RAB18: variants seen among roughly 807,000 people sequenced by gnomAD.
RAB18 encodes ras-related protein Rab-18.
RAB18 carries 10 observed loss-of-function variants against 28.5 expected under a neutral mutation model. That is an observed-to-expected ratio of 0.35 (90% CI 0.22 to 0.60). RAB18 has a LOEUF of 0.60. RAB18 is among the 20% of genes least tolerant of loss of function. The pLI, the probability that RAB18 is intolerant of heterozygous loss-of-function variation, is 0.78. For missense variants in RAB18, 188 were observed against 244.2 expected (o/e 0.77, Z 1.53); for synonymous variants, 93 against 86.9 (o/e 1.07, Z -0.39).
chr10:27,531,025 T>C (rs11015849), intron 3 of RAB18, among the ~76,000 whole-genome samples: 26,180 of 152,054 alleles, frequency 0.17, 2,969 homozygotes, highest in Non-Finnish European at 0.23. Context: ...ATATGCAAAT[T>C]GAATAATTTT....
intron 2 of RAB18, among the ~76,000 whole-genome samples, chr10:27,516,701 A>G (rs184964192): frequency 3.3e-5 from 5 of 152,312 alleles, no homozygotes; most frequent in East Asian, 3.9e-4. Context: ...TTCACAGTAT[A>G]TCAACCACAG....
At chr10:27,517,141 T>G (rs1834452023) in intron 2 of RAB18, among the ~76,000 whole-genome samples, 1 of 152,110 alleles carries the variant, frequency 6.6e-6, no homozygotes, top group Non-Finnish European at 1.5e-5. Context: ...GGAGGGCGGA[T>G]CACCTGATTT....
In RAB18 at chr10:27,534,200, A is replaced by T. The variant is rs1024933353; in HGVS notation, c.445+206A>T. Among the ~76,000 whole-genome samples the T allele has an allele frequency of 2.0e-5, 3 of 152,336 alleles. No individual in the cohort carries two copies. The South Asian group carries it at 6.2e-4, about 32-fold the overall frequency. ...TGATCATATTATGTGAAATCATATT[A>T]AAAAACAGTCAAATCATTCCTCACA... is the stretch of plus-strand genomic sequence containing the variant. On this transcript the variant is annotated intron_variant, in intron 6 of 6. Coordinates refer to ENST00000356940, the MANE Select transcript of RAB18 (RefSeq NM_021252.5).
rs533798350 is a variant in RAB18 at position 27,525,019 on chromosome 10, G to C, written c.125-1809G>C. On this transcript the variant is annotated intron_variant, in intron 2 of 6. Transcript: ENST00000356940. ...AAGTTTCAGATATAATATGTCAAAA[G>C]CATAACTTAGAGACATTGTTAGTTA... 5.0e-3 allele frequency among the ~76,000 whole-genome samples: 758 copies of C among 152,224 alleles called. 5 individuals carry two copies. The highest frequency in any genetic ancestry group is 0.017 in the Middle Eastern group (5 of 294).
At chr10:27,533,554 T>TA (rs5784015) in intron 4 of RAB18, among the ~76,000 whole-genome samples, 181 bp from the exon 5 acceptor site, 16 of 148,448 alleles carry the variant, frequency 1.1e-4, no homozygotes, top group Admixed American at 2.0e-4. Flanking sequence ...GTGTATGCTT[T>TA]AAAAAAAAAA....
rs1434945739 is a variant in RAB18, at chr10:27,537,934, G to A, written c.504G>A (p.Lys168=). Residue 168 remains lysine, a synonymous_variant, in exon 7 of 7, where the codon AAG becomes AAA. Transcript: ENST00000356940. ...GTGCCTTTGAAGAACTTGTTGAAAAGATCATTCAGACCCCTGGACTGTGGG... is the reference window on the plus strand; with the variant it reads ...GTGCCTTTGAAGAACTTGTTGAAAAAATCATTCAGACCCCTGGACTGTGGG... ...VQCAFEELVE[K]IIQTPGLWES... 9 of 1,613,920 alleles carry A rather than the reference G, an allele frequency of 5.6e-6. No homozygotes were observed. The African/African-American group carries it at 9.3e-5, about 17-fold the overall frequency.
intron 3 of RAB18, among the ~76,000 whole-genome samples, chr10:27,529,304 C>A (rs1169806533): frequency 6.6e-6 from 1 of 151,920 alleles, no homozygotes; most frequent in East Asian, 1.9e-4. Flanking sequence ...GTTGGATCAG[C>A]TATTTTCATC....
intron 2 of RAB18, among the ~76,000 whole-genome samples, chr10:27,512,773 A>G (rs1400481130): frequency 1.3e-5 from 2 of 152,118 alleles, no homozygotes; most frequent in South Asian, 2.1e-4. Context: ...ATGAACATAC[A>G]TATAATATTA....
At position 27,538,682 on chromosome 10, in the gene RAB18, CT is replaced by C. The variant is rs748706966; in HGVS notation, c.*632del. The C allele has an allele frequency of 5.7e-5, 26 of 454,032 alleles. No homozygotes were observed. The highest frequency in any genetic ancestry group is 1.4e-4 in the Admixed American group (6 of 42,542). The allele number at this position is 454,032 out of a possible 1,614,324, so 28.1% of individuals were successfully genotyped here. On this transcript the variant is annotated 3_prime_UTR_variant, in exon 7 of 7. Coordinates refer to ENST00000356940, the MANE Select transcript of RAB18 (RefSeq NM_021252.5). ...ATTTTTAATTTACTTCAATGATTAGCTCAGTTGCTTAACTGGAGTTTTAATC... is the reference window on the plus strand; with the variant it reads ...ATTTTTAATTTACTTCAATGATTAGCCAGTTGCTTAACTGGAGTTTTAATC...
intron 6 of RAB18, among the ~76,000 whole-genome samples, chr10:27,535,861 C>T (rs1034504992): frequency 5.9e-5 from 9 of 151,954 alleles, no homozygotes; most frequent in Non-Finnish European, 1.0e-4. Context: ...CCGAGGCAGG[C>T]GGATTACGAG....
At chr10:27,510,325 A>G in intron 2 of RAB18, 1 of 259,424 alleles carries the variant, frequency 3.9e-6, no homozygotes, top group Non-Finnish European at 7.5e-6. Flanking sequence ...GTCATCGTGG[A>G]CCTAACAGAG....
intron 2 of RAB18, among the ~76,000 whole-genome samples, chr10:27,523,448 A>T (rs550507705): frequency 6.6e-6 from 1 of 151,678 alleles, no homozygotes; most frequent in South Asian, 2.1e-4. Context: ...TGTCCCACAG[A>T]TGATTGATGG....
chr10:27,533,071 T>A (rs1258311514), intron 4 of RAB18, among the ~76,000 whole-genome samples: 4 of 152,070 alleles, frequency 2.6e-5, no homozygotes, highest in African/African-American at 9.6e-5. Context: ...GTTCTTGATA[T>A]TCCTGGGAAA....
chr10:27,509,941 G>A lies in RAB18; in HGVS notation c.124+11G>A. 6.2e-7 allele frequency: 1 copy of A among 1,603,386 alleles called. No individual in the cohort carries two copies. The highest frequency in any genetic ancestry group is 1.3e-5 in the African/African-American group (1 of 74,808). On this transcript the variant is annotated intron_variant, in intron 2 of 6. Transcript: ENST00000356940. ...TTGCAGCAACAATAGGTAAGCCTGT[G>A]TTTAAAAATTCTATAGAAATGGCCA...
chr10:27,526,624 G>A (rs1834678235), intron 2 of RAB18, among the ~76,000 whole-genome samples: 1 of 152,188 alleles, frequency 6.6e-6, no homozygotes, highest in African/African-American at 2.4e-5. Flanking sequence ...AATTCTACAA[G>A]CATTTGATTT....
intron 2 of RAB18, among the ~76,000 whole-genome samples, chr10:27,513,278 A>G (rs1021876619): frequency 1.3e-5 from 2 of 151,176 alleles, no homozygotes; most frequent in African/African-American, 4.9e-5. Flanking sequence ...CAAGTGATCC[A>G]CCCGCCTCAG....
At chr10:27,516,987 TTAAC>T (rs1214334334) in intron 2 of RAB18, among the ~76,000 whole-genome samples, 3 of 152,098 alleles carry the variant, frequency 2.0e-5, no homozygotes, top group African/African-American at 7.2e-5. Context: ...GCCCAGTAAA[TTAAC>T]TAAGCAGCTA....
intron 1 of RAB18, among the ~76,000 whole-genome samples, chr10:27,505,573 T>G (rs1837804950): frequency 6.6e-6 from 1 of 152,218 alleles, no homozygotes; most frequent in Non-Finnish European, 1.5e-5. Flanking sequence ...TATTTATTTA[T>G]TTTTTGAGAC....
intron 1 of RAB18, among the ~76,000 whole-genome samples, chr10:27,508,633 A>G (rs1834257704): frequency 6.6e-6 from 1 of 152,216 alleles, no homozygotes; most frequent in Non-Finnish European, 1.5e-5. Flanking sequence ...TAAATCTAGA[A>G]TTTGACTCTT....
Sources: gnomAD v4.1 joint callset for allele counts (sites outside exome capture counted in the v4.1 genomes callset) on GRCh38, gnomAD v4.1.1 for gene constraint, MANE v1.5 for transcripts, NCBI Gene and HGNC (gene_info 2026-07-23, HGNC 2026-07-21) for gene names.